Variants in HSPA4L observed in about 807,000 individuals in gnomAD.
HSPA4L encodes heat shock 70 kDa protein 4L.
HSPA4L carries 48 observed loss-of-function variants against 100.3 expected under a neutral mutation model. That is an observed-to-expected ratio of 0.48 (90% CI 0.38 to 0.61). The LOEUF is 0.61. Ranked by LOEUF, HSPA4L falls within the 20% of genes least tolerant of loss-of-function variation. The pLI is 0.00. For missense variants in HSPA4L, 886 were observed against 988.6 expected (o/e 0.90, Z 1.39); for synonymous variants, 319 against 328.2 (o/e 0.97, Z 0.30).
chr4:127,819,882 A>T (rs1174119173), intron 13 of HSPA4L, among the ~76,000 whole-genome samples: 1 of 152,098 alleles, frequency 6.6e-6, no homozygotes, highest in East Asian at 1.9e-4. Flanking sequence ...GTTGATAGAC[A>T]TTTGGGTTAT....
chr4:127,789,492 A>G (rs2148775955), intron 1 of HSPA4L, among the ~76,000 whole-genome samples: 1 of 151,964 alleles, frequency 6.6e-6, no homozygotes. Flanking sequence ...TAAAAATACA[A>G]AAAAAATTAG....
intron 6 of HSPA4L, among the ~76,000 whole-genome samples, chr4:127,802,863 A>G (rs1179790727): frequency 6.6e-6 from 1 of 152,120 alleles, no homozygotes; most frequent in Non-Finnish European, 1.5e-5. Flanking sequence ...CTCCTGTGAT[A>G]TTTACCACCA....
chr4:127,811,475 G>A lies in HSPA4L; in HGVS notation c.1417G>A (p.Gly473Ser), dbSNP rs1333078924. The A allele has an allele frequency of 1.2e-6, 2 of 1,613,888 alleles. No homozygotes were observed. The highest frequency in any genetic ancestry group is 3.3e-5 in the Admixed American group (2 of 60,008). The part of the protein sequence containing the change: ...TIQNVFPQSD[G>S]DSSKVKVKVR... ...TCAGAATGTTTTTCCACAGTCTGAT[G>A]GTGATAGTTCCAAAGTGAAGGTTAA... Residue 473 changes from glycine to serine, a missense_variant, in exon 12 of 19, where the codon GGT becomes AGT. Gly to Ser is a moderately conservative substitution (Grantham distance 56, BLOSUM62 0). Coordinates refer to ENST00000296464, the MANE Select transcript of HSPA4L (RefSeq NM_014278.4).
rs1417654288 is a variant in HSPA4L, at chr4:127,834,517, AT to A, written c.*1644del. The A allele has an allele frequency of 6.6e-6, 1 of 152,192 alleles. No individual in the cohort carries two copies. The highest frequency in any genetic ancestry group is 6.5e-5 in the Admixed American group (1 of 15,280). 9.4% of individuals were successfully genotyped at this position (152,192 alleles called of 1,614,324 possible). A position where few individuals can be genotyped will look rare whatever the true frequency, so the allele number is the denominator to read the frequency against. On this transcript the variant is annotated 3_prime_UTR_variant, in exon 19 of 19. Coordinates refer to ENST00000296464, the MANE Select transcript of HSPA4L (RefSeq NM_014278.4). ...AAGAATCTCTTTTTTGCATTAAAAA[AT>A]CATATAAACTTAATATATTTTTAAA...
At chr4:127,827,893 T>G (rs1167599732) in intron 17 of HSPA4L, among the ~76,000 whole-genome samples, 2 of 152,140 alleles carry the variant, frequency 1.3e-5, no homozygotes, top group East Asian at 1.9e-4. Context: ...TATTCTTTTA[T>G]GTACATATTC....
intron 12 of HSPA4L, among the ~76,000 whole-genome samples, chr4:127,815,943 A>T (rs1464412633): frequency 6.6e-6 from 1 of 152,194 alleles, no homozygotes; most frequent in Non-Finnish European, 1.5e-5. Flanking sequence ...GGCAGAGTGA[A>T]TAACAAATAG....
At chr4:127,811,724 C>A in intron 12 of HSPA4L, 88 bp downstream of exon 12, 1 of 936,742 alleles carries the variant, frequency 1.1e-6, no homozygotes, top group Admixed American at 2.4e-5. Context: ...TAGTTGAATA[C>A]ATTACTCTCT....
chr4:127,795,172 A>G (rs897567860), intron 2 of HSPA4L, among the ~76,000 whole-genome samples: 2 of 152,144 alleles, frequency 1.3e-5, no homozygotes, highest in East Asian at 3.8e-4. Flanking sequence ...AAACACAGAA[A>G]TGGAAGTGGA....
rs975369539 is a variant in HSPA4L at position 127,811,543 on chromosome 4, A to C, written c.1485A>C (p.Ala495=). 3 of 1,613,910 alleles carry C rather than the reference A, an allele frequency of 1.9e-6. No individual in the cohort carries two copies. Among genetic ancestry groups the C allele is most frequent in the Non-Finnish European group, 2.5e-6 (3 of 1,179,930 alleles). ...NIHGIFSVAS[A]SVIEKQNLEG... ...ATGGAATCTTCAGTGTGGCTAGCGC[A>C]TCAGTAATTGAGAAGCAAAATTTGG... The change falls in exon 12 of 19, where the codon GCA becomes GCC. Residue 495 remains alanine (A), a synonymous_variant. Coordinates refer to ENST00000296464, the MANE Select transcript of HSPA4L (RefSeq NM_014278.4).
chr4:127,808,155 A>C lies in HSPA4L; in HGVS notation c.1378+26A>C, dbSNP rs780253224. The C allele has an allele frequency of 4.5e-6, 7 of 1,571,210 alleles. No homozygotes were observed. The East Asian group carries it at 1.6e-4, about 35-fold the overall frequency. ...GTAAGATAAAAAAAAGTTCTCCATA[A>C]CATTTTGGCCTTTTATAAATAATGT... On this transcript the variant is annotated intron_variant, in intron 11 of 18. Coordinates refer to ENST00000296464, the MANE Select transcript of HSPA4L (RefSeq NM_014278.4).
At chr4:127,824,002 T>A (rs905114695) in intron 16 of HSPA4L, among the ~76,000 whole-genome samples, 5 of 152,196 alleles carry the variant, frequency 3.3e-5, no homozygotes. Context: ...GACCAGTAGC[T>A]CTCCATCATA....
intron 4 of HSPA4L, 123 bp from the exon 5 acceptor site, chr4:127,801,015 C>T: frequency 3.3e-6 from 2 of 603,952 alleles, no homozygotes; most frequent in Admixed American, 3.7e-5. Context: ...TAGTATTTTT[C>T]CTCTTTAGTT....
chr4:127,782,017 C>T (rs772614578), upstream of HSPA4L: 2 of 453,944 alleles, frequency 4.4e-6, no homozygotes, highest in Non-Finnish European at 8.8e-6. Flanking sequence ...TCACCTAGCC[C>T]GACCGCCCGA....
chr4:127,803,630 T>C lies in HSPA4L; in HGVS notation c.665T>C (p.Val222Ala). 1 of 1,609,246 alleles carries C rather than the reference T, an allele frequency of 6.2e-7. No individual in the cohort carries two copies. The highest frequency in any genetic ancestry group is 8.5e-7 in the Non-Finnish European group (1 of 1,178,144). Residue 222 changes from valine to alanine, a missense_variant and splice_region_variant, in exon 7 of 19, where the codon GTC becomes GCC. By Grantham distance (64) the Val-to-Ala change is moderately conservative. Coordinates refer to ENST00000296464, the MANE Select transcript of HSPA4L (RefSeq NM_014278.4). ...AGTTCTGCTTTTTCAATTAAACAGG[T>C]CTTGGCTACTACCTTTGATCCATAT... Reference protein sequence around the residue: ...VCAFNKGKLKVLATTFDPYLG... With the variant: ...VCAFNKGKLKALATTFDPYLG...
At chr4:127,819,533 A>C (rs1285101038) in intron 13 of HSPA4L, among the ~76,000 whole-genome samples, 1 of 152,190 alleles carries the variant, frequency 6.6e-6, no homozygotes, top group Non-Finnish European at 1.5e-5. Context: ...TCATCCAATT[A>C]GTTGTACAGT....
chr4:127,832,606 T>C, intron 18 of HSPA4L, 77 bp from the exon 19 acceptor site: 1 of 1,250,948 alleles, frequency 8.0e-7, no homozygotes, highest in Non-Finnish European at 1.1e-6. Context: ...ATTTAGAAAG[T>C]TAATGTGGAA....
chr4:127,827,472 C>T, intron 17 of HSPA4L, 48 bp downstream of exon 17: 1 of 1,602,248 alleles, frequency 6.2e-7, no homozygotes, highest in Non-Finnish European at 8.5e-7. Context: ...GTGCATGGTA[C>T]ATAGAATGGG....
In HSPA4L at chr4:127,837,633, T is replaced by A. The variant is rs1229346786; in HGVS notation, c.*4759T>A. ...GGTTTTTGCCCAACATTTGATTTAA[T>A]CTAAAGCAAGAATATAAAATAATTT... is the stretch of plus-strand genomic sequence containing the variant. On this transcript the variant is annotated 3_prime_UTR_variant, in exon 19 of 19. Coordinates refer to ENST00000296464, the MANE Select transcript of HSPA4L (RefSeq NM_014278.4). The A allele has an allele frequency of 6.6e-6, 1 of 152,186 alleles. No individual in the cohort carries two copies. The highest frequency in any genetic ancestry group is 1.5e-5 in the Non-Finnish European group (1 of 68,038). 9.4% of individuals were successfully genotyped at this position (152,186 alleles called of 1,614,324 possible). A position where few individuals can be genotyped will look rare whatever the true frequency, so the allele number is the denominator to read the frequency against.
chr4:127,830,631 T>A lies in HSPA4L; in HGVS notation c.2167-7T>A, dbSNP rs201719641. ...AACATGCAGTCAAGCTTTTTTTTTT[T>A]AAATAGGATGAAAGATATGATCATC... is the stretch of plus-strand genomic sequence containing the variant. On this transcript the variant is annotated splice_region_variant and splice_polypyrimidine_tract_variant and intron_variant, in intron 17 of 18. Transcript: ENST00000296464. The A allele has an allele frequency of 2.7e-4, 426 of 1,551,586 alleles. 2 individuals are homozygous for A. The East Asian group carries it at 4.8e-3, about 17-fold the overall frequency.
Sources: allele counts gnomAD v4.1 joint callset (sites outside exome capture counted in the v4.1 genomes callset), GRCh38; gene constraint gnomAD v4.1.1; transcripts MANE v1.5; gene names NCBI Gene and HGNC (gene_info 2026-07-23, HGNC 2026-07-21).